The following PDE4C variants were observed in gnomAD, a reference collection of about 807,000 sequenced individuals.
PDE4C encodes the protein 3',5'-cyclic-AMP phosphodiesterase 4C.
In PDE4C, 50 loss-of-function variants were observed where a neutral mutation model predicts 63.9. That is an observed-to-expected ratio of 0.78 (90% confidence interval 0.62 to 0.99). PDE4C has a LOEUF of 0.99. PDE4C is among the 50% of genes least tolerant of loss of function. The pLI is 0.00. For synonymous variants in PDE4C, 377 were observed against 385.1 expected, an observed-to-expected ratio of 0.98 and a Z score of 0.25; for missense variants, 777 against 899.1, an observed-to-expected ratio of 0.86 and a Z score of 1.74.
intron 1 of PDE4C, among the ~76,000 whole-genome samples, chr19:18,222,576 TACTG>T (rs1968529780): frequency 6.6e-6 from 1 of 151,654 alleles, no homozygotes; most frequent in South Asian, 2.1e-4. Context: ...CATGGACAGG[TACTG>T]ACTTTCTCTG....
At chr19:18,234,306 A>G (rs1968911818), upstream of PDE4C, 1 of 152,268 alleles carries the variant, frequency 6.6e-6, no homozygotes, top group South Asian at 2.1e-4. Context: ...CCTCAGCGGA[A>G]ATGGCAGGAT....
Position 18,226,265 on chromosome 19 carries a change from C to T in PDE4C, c.146+5G>A. The T allele has an allele frequency of 1.3e-6, 2 of 1,558,434 alleles. No individual in the cohort carries two copies. The highest frequency in any genetic ancestry group is 2.3e-5 in the South Asian group (2 of 85,410). Reference sequence around the variant, plus strand: ...GACCCCGCCAGGCCCTCTGTCCAGCCTCACCACAGCGGATGGGCCACCGTG... The same window carrying T: ...GACCCCGCCAGGCCCTCTGTCCAGCTTCACCACAGCGGATGGGCCACCGTG... On this transcript the variant is annotated splice_donor_5th_base_variant and intron_variant, in intron 1 of 14. Coordinates refer to ENST00000262805, the Ensembl canonical transcript of PDE4C.
chr19:18,218,311 T>G (rs765366209), intron 10 of PDE4C, 23 bp downstream of exon 10: 1 of 1,613,660 alleles, frequency 6.2e-7, no homozygotes, highest in East Asian at 2.2e-5. Flanking sequence ...CCCGCCCACC[T>G]GCCTGCAGTC....
At chr19:18,225,739 G>T in intron 1 of PDE4C, 1 of 154,288 alleles carries the variant, frequency 6.5e-6, no homozygotes. Flanking sequence ...GCTCAGCCTG[G>T]GACTCCCGAA....
At chr19:18,219,516 A>G in intron 7 of PDE4C, 119 bp from the exon 8 acceptor site, 1 of 1,199,872 alleles carries the variant, frequency 8.3e-7, no homozygotes, top group Non-Finnish European at 1.1e-6. Context: ...CAGGAACCAA[A>G]GTAAGTTCGG....
At chr19:18,221,049 T>TCCGCCAGGCGCCGCCCCACC (rs533243837) in intron 4 of PDE4C, 56 bp downstream of exon 4, 4 of 1,239,970 alleles carry the variant, frequency 3.2e-6, no homozygotes, top group Non-Finnish European at 4.6e-6. Flanking sequence ...CAGCCCGCTT[T>TCCGCCAGGCGCCGCCCCACC]CCGCCCACCT....
At chr19:18,210,988 G>T in exon 15 of PDE4C, 1 of 1,614,188 alleles carries the variant, frequency 6.2e-7, no homozygotes, top group Non-Finnish European at 8.5e-7. Context: ...TCAGGGGACA[G>T]GAGTTCAGTG....
At chr19:18,244,055 G>A (rs1322565660) in intron 1 of PDE4C, among the ~76,000 whole-genome samples, 1 of 151,296 alleles carries the variant, frequency 6.6e-6, no homozygotes, top group Non-Finnish European at 1.5e-5. Flanking sequence ...TTTATTTTTA[G>A]TAGAGACAGG....
intron 1 of PDE4C, chr19:18,224,258 G>C: frequency 1.0e-6 from 1 of 985,508 alleles, no homozygotes; most frequent in African/African-American, 1.7e-5. Flanking sequence ...TTCAAGAAGG[G>C]CAGGCGGAAG....
chr19:18,252,039 A>G, upstream of PDE4C: 1 of 398,480 alleles, frequency 2.5e-6, no homozygotes, highest in Non-Finnish European at 4.4e-6. Context: ...CCTCCCTACA[A>G]ACACCCAAAT....
intron 14 of PDE4C, among the ~76,000 whole-genome samples, 176 bp from the exon 15 acceptor site, chr19:18,211,452 A>C (rs1321270418): frequency 6.6e-6 from 1 of 151,400 alleles, no homozygotes; most frequent in African/African-American, 2.4e-5. Flanking sequence ...GCCTCCCTTA[A>C]CCCTTCTGGC....
chr19:18,231,156 T>C (rs1450920228), upstream of PDE4C, among the ~76,000 whole-genome samples: 3 of 152,194 alleles, frequency 2.0e-5, no homozygotes, highest in African/African-American at 7.2e-5. Flanking sequence ...TGAACTCAGT[T>C]TCGCTGGGCT....
upstream of PDE4C, chr19:18,226,576 G>A: frequency 2.3e-6 from 1 of 441,352 alleles, no homozygotes; most frequent in Non-Finnish European, 3.9e-6. Context: ...GGGAAACTGA[G>A]GCACAGAGTC....
chr19:18,237,278 G>T (rs73001463), upstream of PDE4C, among the ~76,000 whole-genome samples: 12,897 of 151,904 alleles, frequency 0.085, 839 homozygotes, highest in East Asian at 0.37. Flanking sequence ...CAGGCCAGGC[G>T]CTGTGGCTCG....
Position 18,220,846 on chromosome 19 carries a change from C to T in PDE4C, c.499+28G>A. The T allele has an allele frequency of 2.5e-6, 4 of 1,600,902 alleles. No individual in the cohort carries two copies. In the South Asian group the frequency reaches 3.4e-5, roughly 14 times the overall value. On this transcript the variant is annotated intron_variant, in intron 5 of 14. Coordinates refer to ENST00000262805, the Ensembl canonical transcript of PDE4C. This position sits in a 1 kb window ranked among gnomAD's most constrained non-coding sequence, Gnocchi z 5.1. ...AAAGGAAGCTCCCAGCTGTCCTCAG[C>T]GGGGGAGGGAAGGAACAGGTACTTT... is the stretch of plus-strand genomic sequence containing the variant.
At chr19:18,214,021 G>A (rs1172212409) in intron 12 of PDE4C, among the ~76,000 whole-genome samples, 1 of 152,180 alleles carries the variant, frequency 6.6e-6, no homozygotes, top group Non-Finnish European at 1.5e-5. Flanking sequence ...CACTTTGGGA[G>A]GCCGAGGCAG....
At chr19:18,226,901 A>C (rs1447054369), upstream of PDE4C, among the ~76,000 whole-genome samples, 1 of 152,016 alleles carries the variant, frequency 6.6e-6, no homozygotes. Flanking sequence ...CCATTGCGCC[A>C]GGCCCAACTG....
At chr19:18,233,259 GTCT>G (rs1304426257) in exon 1 of PDE4C, 29 of 1,537,670 alleles carry the variant, frequency 1.9e-5, no homozygotes, top group Non-Finnish European at 2.4e-5. Context: ...GCCGAGGAGC[GTCT>G]GCTCCCGGGT....
Position 18,220,358 on chromosome 19 carries a change from A to G in PDE4C, c.613-39T>C. ...AAGGTGAAGACCGTGATGATGGGGCACCGTGGGCCGAGGCAGGTGAGCTCA... is the reference window on the plus strand; with the variant it reads ...AAGGTGAAGACCGTGATGATGGGGCGCCGTGGGCCGAGGCAGGTGAGCTCA... On this transcript the variant is annotated intron_variant, in intron 6 of 14. Transcript: ENST00000262805. The surrounding 1 kb of genome is among the most constrained non-coding windows in gnomAD (Gnocchi z 5.1). 1 of 1,612,552 alleles carries G rather than the reference A, an allele frequency of 6.2e-7. No homozygotes were observed. The highest frequency in any genetic ancestry group is 8.5e-7 in the Non-Finnish European group (1 of 1,178,658).
Sources: allele counts gnomAD v4.1 joint callset (sites outside exome capture counted in the v4.1 genomes callset), GRCh38; gene constraint gnomAD v4.1.1; non-coding constraint Gnocchi (gnomAD v3.1); transcripts MANE v1.5; gene names NCBI Gene and HGNC (gene_info 2026-07-23, HGNC 2026-07-21).